Variants in NUP188 observed in about 807,000 individuals in gnomAD.
NUP188 encodes nucleoporin NUP188.
In NUP188, 97 loss-of-function variants were observed where a neutral mutation model predicts 223.0. The ratio of observed to expected loss-of-function variants is 0.43; its 90% CI spans 0.37 to 0.51. NUP188 has a LOEUF of 0.51. Among genes scored for constraint, NUP188 ranks in the 20% least tolerant of loss-of-function variants. NUP188 has a pLI of 0.00. For missense variants in NUP188, 1,947 were observed against 2,175.6 expected, an observed-to-expected ratio of 0.89 and a Z score of 2.09; for synonymous variants, 869 against 828.0, an observed-to-expected ratio of 1.05 and a Z score of -0.85.
Position 128,969,495 on chromosome 9 carries a change from A to G in NUP188, c.893A>G (p.Gln298Arg). Residue 298 changes from glutamine (Q) to arginine (R), a missense_variant, in exon 10 of 44, where the codon CAG (glutamine) becomes CGG (arginine). By Grantham distance (43) the Gln-to-Arg change is conservative (BLOSUM62 1). Coordinates refer to ENST00000372577, the MANE Select transcript of NUP188 (RefSeq NM_015354.3). ...DDRRELHQFA[Q>R]DGLICQDMDC... is the part of the protein sequence containing the mutation. ...AGAAGAGAACTGCATCAGTTTGCGC[A>G]GGATGGGCTTATTTGTCAGGTGACT... 3.2e-6 allele frequency: 5 copies of G among 1,568,956 alleles called. No homozygotes were observed. The highest frequency in any genetic ancestry group is 4.3e-6 in the Non-Finnish European group (5 of 1,161,962).
At chr9:128,958,651 C>T (rs775101234) in intron 6 of NUP188, 151 bp from the exon 7 acceptor site, 165 of 440,888 alleles carry the variant, frequency 3.7e-4, no homozygotes, top group Non-Finnish European at 6.0e-4. Flanking sequence ...TTTATTTTGG[C>T]CTAATTCAGT....
In NUP188 at chr9:128,952,771, A is replaced by G. The variant is rs1224022042; in HGVS notation, c.88-2A>G. On this transcript the variant is annotated splice_acceptor_variant, in intron 2 of 43. Transcript: ENST00000372577. LOFTEE classifies it high-confidence loss of function. ...TTGTATAATTACCTTGTTCTTTTCC[A>G]GAGTCAGATTGAGGCAGAACTGAAT... The G allele has an allele frequency of 1.9e-6, 3 of 1,611,866 alleles. No individual in the cohort carries two copies. In the South Asian group the frequency reaches 3.3e-5, roughly 18 times the overall value.
chr9:128,978,602 C>T (rs1323230370), intron 12 of NUP188, among the ~76,000 whole-genome samples: 3 of 151,284 alleles, frequency 2.0e-5, no homozygotes, highest in Admixed American at 6.6e-5. Flanking sequence ...GAAACAAACC[C>T]ACTCACCCAG....
At chr9:128,996,628 C>G (rs960683776) in intron 30 of NUP188, among the ~76,000 whole-genome samples, 2 of 152,048 alleles carry the variant, frequency 1.3e-5, no homozygotes, top group African/African-American at 4.8e-5. Context: ...GTTTTGGACC[C>G]CTAAGGCTCC....
Position 128,982,610 on chromosome 9 carries a change from G to A in NUP188, c.1578G>A (p.Arg526=), listed in dbSNP as rs764133724. Residue 526 remains arginine (R), a synonymous_variant, in exon 16 of 44, where the codon AGG becomes AGA. Coordinates refer to ENST00000372577, the MANE Select transcript of NUP188 (RefSeq NM_015354.3). ...TGGGCCAAGTAATGTTGGATGATAG[G>A]GCATACCTGGTACGCTGGGAATACT... ...GTVGQVMLDD[R]AYLVRWEYSY... 3 of 1,614,026 alleles carry A rather than the reference G, an allele frequency of 1.9e-6. No individual in the cohort carries two copies. In the Admixed American group the frequency reaches 5.0e-5, roughly 27 times the overall value.
intron 32 of NUP188, 64 bp from the exon 33 acceptor site, chr9:128,999,108 C>T (rs1292439868): frequency 1.4e-6 from 2 of 1,452,780 alleles, no homozygotes; most frequent in African/African-American, 2.8e-5. Context: ...CCGCCTTGGC[C>T]TCCCAAAGTG....
At chr9:128,981,993 T>C (rs1355866593) in intron 15 of NUP188, among the ~76,000 whole-genome samples, 17 of 151,340 alleles carry the variant, frequency 1.1e-4, no homozygotes, top group Non-Finnish European at 1.5e-5. Flanking sequence ...AGGAGAATCG[T>C]TTGAACTTGG....
intron 17 of NUP188, 81 bp from the exon 18 acceptor site, chr9:128,983,212 A>G (rs1842282391): frequency 1.4e-6 from 2 of 1,406,576 alleles, no homozygotes; most frequent in African/African-American, 1.4e-5. Context: ...GAGACTGGGG[A>G]GAGAGAAGTG....
At chr9:128,953,182 T>C (rs1230144762) in intron 3 of NUP188, among the ~76,000 whole-genome samples, 1 of 152,224 alleles carries the variant, frequency 6.6e-6, no homozygotes, top group Non-Finnish European at 1.5e-5. Context: ...TGAAGGATGA[T>C]GCTAACAACT....
rs1842679855 is a variant in NUP188 at position 129,001,977 on chromosome 9, G to A, written c.4137+1G>A. 6.2e-7 allele frequency: 1 copy of A among 1,613,368 alleles called. No homozygotes were observed. The highest frequency in any genetic ancestry group is 1.7e-5 in the Admixed American group (1 of 60,000). On this transcript the variant is annotated splice_donor_variant, in intron 36 of 43. Transcript: ENST00000372577. LOFTEE classifies it high-confidence loss of function. ...GCTGAGCACCAACGGCACAGCACAG[G>A]TGAGTGTCAGGAGCTTGCCAGGAGG...
intron 10 of NUP188, among the ~76,000 whole-genome samples, chr9:128,970,453 T>C (rs1010862562): frequency 2.0e-5 from 3 of 152,070 alleles, no homozygotes; most frequent in African/African-American, 7.2e-5. Context: ...AGATAGAAAA[T>C]GAAGATAGAG....
intron 35 of NUP188, 56 bp from the exon 36 acceptor site, chr9:129,001,828 C>G (rs1842674874): frequency 6.3e-7 from 1 of 1,583,522 alleles, no homozygotes; most frequent in Non-Finnish European, 8.7e-7. Context: ...GCCCTACCTA[C>G]CCTAGGCAGG....
chr9:128,982,497 T>TA, intron 15 of NUP188, 52 bp from the exon 16 acceptor site: 1 of 1,481,730 alleles, frequency 6.7e-7, no homozygotes, highest in Non-Finnish European at 9.3e-7. Context: ...GTAGAGGAGT[T>TA]ACATTTTTTA....
intron 12 of NUP188, among the ~76,000 whole-genome samples, chr9:128,976,775 G>C (rs1336878636): frequency 1.3e-5 from 2 of 151,780 alleles, no homozygotes; most frequent in African/African-American, 4.8e-5. Flanking sequence ...ACACCTGGAG[G>C]ATTGGTATTA....
At chr9:128,994,488 G>A (rs757416879) in intron 28 of NUP188, 46 bp downstream of exon 28, 187 of 1,370,530 alleles carry the variant, frequency 1.4e-4, no homozygotes, top group Non-Finnish European at 1.9e-4. Context: ...GTCCCTTGGA[G>A]GAAAGGCTGT....
At chr9:128,970,019 C>A (rs1842084384) in intron 10 of NUP188, among the ~76,000 whole-genome samples, 1 of 152,184 alleles carries the variant, frequency 6.6e-6, no homozygotes, top group African/African-American at 2.4e-5. Context: ...CCTCCACCTC[C>A]TGGGTTCAAG....
intron 8 of NUP188, among the ~76,000 whole-genome samples, chr9:128,965,453 T>TA (rs1241074942): frequency 6.6e-6 from 1 of 152,054 alleles, no homozygotes; most frequent in African/African-American, 2.4e-5. Context: ...TTTTCTTTAT[T>TA]AAAAAAAATT....
At chr9:128,952,646 C>T (rs1841808120) in intron 2 of NUP188, 127 bp from the exon 3 acceptor site, 2 of 632,940 alleles carry the variant, frequency 3.2e-6, no homozygotes, top group South Asian at 1.8e-5. Flanking sequence ...TCACTTGAAC[C>T]TGGGAGGCGG....
intron 6 of NUP188, among the ~76,000 whole-genome samples, chr9:128,958,601 C>T (rs1456376017): frequency 3.3e-5 from 5 of 152,074 alleles, no homozygotes; most frequent in South Asian, 2.1e-4. Flanking sequence ...ACAATTAATT[C>T]CTTTCATCCT....
Sources: gnomAD v4.1 joint callset for allele counts (sites outside exome capture counted in the v4.1 genomes callset) on GRCh38, gnomAD v4.1.1 for gene constraint, MANE v1.5 for transcripts, NCBI Gene and HGNC (gene_info 2026-07-23, HGNC 2026-07-21) for gene names.